Variants in MACC1 observed in about 807,000 individuals in gnomAD.
MACC1 encodes metastasis-associated in colon cancer protein 1.
A neutral mutation model predicts 70.7 loss-of-function variants in MACC1; 79 were observed. The observed-to-expected ratio is 1.12, with a 90% CI of 0.93 to 1.35. The LOEUF (loss-of-function observed/expected upper bound fraction) is 1.35. MACC1 is among the 40% of genes most tolerant of loss of function. The probability of loss-of-function intolerance (pLI) is 0.00; values close to 1 mark genes in which losing one functional copy is unlikely to be tolerated. For missense variants in MACC1, 1,106 were observed against 978.1 expected (o/e 1.13, Z -1.74); for synonymous variants, 361 against 347.2 (o/e 1.04, Z -0.44).
At chr7:20,154,593 G>A (rs1211786903) in intron 5 of MACC1, among the ~76,000 whole-genome samples, 1 of 152,114 alleles carries the variant, frequency 6.6e-6, no homozygotes, top group East Asian at 1.9e-4. Flanking sequence ...AGTTAGGGGA[G>A]ATTTAGAACT....
At chr7:20,187,529 T>C (rs1330042125) in intron 1 of MACC1, among the ~76,000 whole-genome samples, 1 of 152,250 alleles carries the variant, frequency 6.6e-6, no homozygotes, top group Admixed American at 6.5e-5. Flanking sequence ...ACAGTCAGAG[T>C]GACCTTCGTG....
At chr7:20,214,769 T>C (rs754114722) in intron 1 of MACC1, among the ~76,000 whole-genome samples, 5 of 152,160 alleles carry the variant, frequency 3.3e-5, no homozygotes, top group Non-Finnish European at 5.9e-5. Context: ...TCAAAAAATA[T>C]AACTTTCTCA....
At chr7:20,141,742 A>G (rs1244627157) in intron 6 of MACC1, among the ~76,000 whole-genome samples, 1 of 152,106 alleles carries the variant, frequency 6.6e-6, no homozygotes, top group Non-Finnish European at 1.5e-5. Flanking sequence ...AAAAACCAAT[A>G]CTCAGTGCTG....
At chr7:20,188,405 G>A (rs1414540381) in intron 1 of MACC1, among the ~76,000 whole-genome samples, 1 of 152,046 alleles carries the variant, frequency 6.6e-6, no homozygotes, top group Admixed American at 6.6e-5. Context: ...CCTGCTCATC[G>A]ACTCAAAGAA....
At chr7:20,180,907 T>C (rs1015689933) in intron 1 of MACC1, among the ~76,000 whole-genome samples, 2 of 151,924 alleles carry the variant, frequency 1.3e-5, no homozygotes, top group African/African-American at 4.8e-5. Flanking sequence ...CAAATATAAA[T>C]TGGCAAATGT....
Position 20,158,425 on chromosome 7 carries a change from AT to A in MACC1, c.1935del (p.Lys645AsnfsTer2), listed in dbSNP as rs772185457. The A allele has an allele frequency of 1.9e-6, 3 of 1,613,868 alleles. No homozygotes were observed. The highest frequency in any genetic ancestry group is 2.5e-6 in the Non-Finnish European group (3 of 1,179,938). On this transcript the variant is annotated frameshift_variant, in exon 5 of 7. Transcript: ENST00000400331. LOFTEE classifies it high-confidence loss of function. ...AATACAACTGAGTAGATATAAGTCAATTTTTTTAAAGGCAGGACAATCTGTT... is the reference window on the plus strand; with the variant it reads ...AATACAACTGAGTAGATATAAGTCAATTTTTTAAAGGCAGGACAATCTGTT... ...LLEQIVLPLKKLTYIYSVVLT... is the reference protein window; with the variant it reads ...LLEQIVLPLKXLTYIYSVVLT...
At chr7:20,150,019 T>G (rs1040591737) in intron 6 of MACC1, among the ~76,000 whole-genome samples, 5 of 152,182 alleles carry the variant, frequency 3.3e-5, no homozygotes, top group Admixed American at 6.5e-5. Context: ...TATAATGTTT[T>G]CCTTACAAAG....
At chr7:20,148,794 CTAAA>C (rs1781932987) in intron 6 of MACC1, among the ~76,000 whole-genome samples, 2 of 152,120 alleles carry the variant, frequency 1.3e-5, no homozygotes, top group Admixed American at 1.3e-4. Context: ...CAATGGTAAT[CTAAA>C]TAACATCACT....
intron 6 of MACC1, among the ~76,000 whole-genome samples, chr7:20,149,316 CAA>C (rs1475728927): frequency 2.0e-5 from 3 of 152,112 alleles, no homozygotes; most frequent in African/African-American, 7.2e-5. Flanking sequence ...AAAAATTACT[CAA>C]AGTTATATAG....
At chr7:20,179,137 T>C (rs976089301) in intron 1 of MACC1, among the ~76,000 whole-genome samples, 5 of 152,196 alleles carry the variant, frequency 3.3e-5, no homozygotes, top group Admixed American at 3.3e-4. Flanking sequence ...TCTTTTTCCA[T>C]ATATTAGGTT....
At chr7:20,174,156 A>C (rs73276445) in intron 1 of MACC1, among the ~76,000 whole-genome samples, 5,493 of 152,268 alleles carry the variant, frequency 0.036, 356 homozygotes, top group African/African-American at 0.12. Flanking sequence ...AGTTATGAAT[A>C]AATATTGGTG....
chr7:20,188,873 T>C (rs1424436616), intron 1 of MACC1, among the ~76,000 whole-genome samples: 2 of 152,226 alleles, frequency 1.3e-5, no homozygotes, highest in Non-Finnish European at 2.9e-5. Context: ...CAAAATCTTG[T>C]AATAGCTTCC....
chr7:20,157,713 G>C, intron 5 of MACC1, among the ~76,000 whole-genome samples: 1 of 147,380 alleles, frequency 6.8e-6, no homozygotes, highest in East Asian at 2.0e-4. Context: ...ACTGCAGTGA[G>C]CTGTGATCGT....
chr7:20,178,261 T>TCA (rs71020623), intron 1 of MACC1, among the ~76,000 whole-genome samples: 258 of 98,940 alleles, frequency 2.6e-3, no homozygotes, highest in South Asian at 0.025. Flanking sequence ...TAATCTTATT[T>TCA]CACACACACA....
At chr7:20,145,530 G>A (rs1007004941) in intron 6 of MACC1, among the ~76,000 whole-genome samples, 1 of 151,822 alleles carries the variant, frequency 6.6e-6, no homozygotes, top group African/African-American at 2.4e-5. Flanking sequence ...AGAAAATAGA[G>A]GTATTTTAAA....
chr7:20,177,860 A>C lies in MACC1; in HGVS notation c.-217-7082T>G, dbSNP rs147844205. The stretch of plus-strand genomic sequence containing the variant: ...ACCATTTGACTGGTTGTCCAGCCCC[A>C]AATTGTTGGACTTTTTTAAACAATT... On this transcript the variant is annotated intron_variant, in intron 1 of 6. Coordinates refer to ENST00000400331, the MANE Select transcript of MACC1 (RefSeq NM_182762.4). Among the ~76,000 whole-genome samples, 19 of 152,092 alleles carry C rather than the reference A, an allele frequency of 1.2e-4. 1 individual carries two copies. The highest frequency in any genetic ancestry group is 4.6e-4 in the African/African-American group (19 of 41,530).
chr7:20,216,519 A>G lies in MACC1; in HGVS notation c.-218+780T>C, dbSNP rs188401216. 2.0e-5 allele frequency among the ~76,000 whole-genome samples: 3 copies of G among 152,168 alleles called. No individual in the cohort carries two copies. The East Asian group carries it at 5.8e-4, about 29-fold the overall frequency. ...ACAACTCTCATTTCTCCTTCCCCCA[A>G]GCCCCTGGCAACTACCATTCTAAGT... is the stretch of plus-strand genomic sequence containing the variant. On this transcript the variant is annotated intron_variant, in intron 1 of 6. Coordinates refer to ENST00000400331, the MANE Select transcript of MACC1 (RefSeq NM_182762.4).
Position 20,159,012 on chromosome 7 carries a change from C to T in MACC1, c.1349G>A (p.Gly450Glu). 1.2e-6 allele frequency: 2 copies of T among 1,613,962 alleles called. No individual in the cohort carries two copies. Among genetic ancestry groups the T allele is most frequent in the Non-Finnish European group, 1.7e-6 (2 of 1,180,004 alleles). The change falls in exon 5 of 7, where the codon GGA (glycine) becomes GAA (glutamate). Residue 450 changes from glycine (G) to glutamate (E), a missense_variant. Gly to Glu is a moderately conservative substitution (Grantham distance 98, BLOSUM62 -2). Transcript: ENST00000400331. ...CTTTTGTTTAATTTCTTTCCTTTCT[C>T]CTTCTGTCTTTACTTCAAAATCAGG... ...CDPDFEVKTE[G>E]ERKEIKQKQL...
Position 20,159,892 on chromosome 7 carries a change from T to C in MACC1, c.469A>G (p.Ile157Val), listed in dbSNP as rs781306868. 12 of 1,614,106 alleles carry C rather than the reference T, an allele frequency of 7.4e-6. No individual in the cohort carries two copies. In the South Asian group the frequency reaches 1.2e-4, roughly 16 times the overall value. ...LDDTAHAHQS[I>V]HNSDQILLHD... ...AGTAGGATCTGGTCAGAGTTATGTA[T>C]ACTCTGATGGGCATGTGCTGTGTCG... The change falls in exon 5 of 7, where the codon ATA (isoleucine) becomes GTA (valine). Residue 157 changes from isoleucine (I) to valine (V), a missense_variant. Coordinates refer to ENST00000400331, the MANE Select transcript of MACC1 (RefSeq NM_182762.4).
Sources: allele counts gnomAD v4.1 joint callset (sites outside exome capture counted in the v4.1 genomes callset), GRCh38; gene constraint gnomAD v4.1.1; transcripts MANE v1.5; gene names NCBI Gene and HGNC (gene_info 2026-07-23, HGNC 2026-07-21).